The following LRRC7 variants were observed in gnomAD, a reference collection of about 807,000 sequenced individuals.
LRRC7 encodes leucine-rich repeat-containing protein 7.
Under a neutral mutation model 175.7 loss-of-function variants are expected in LRRC7, and 23 were observed. The observed-to-expected ratio is 0.13, with a 90% confidence interval of 0.09 to 0.19. The LOEUF (loss-of-function observed/expected upper bound fraction) is 0.19. Ranked by LOEUF, LRRC7 falls within the 10% of genes least tolerant of loss-of-function variation. LRRC7 has a pLI of 1.00. For synonymous variants in LRRC7, 685 were observed against 680.9 expected (o/e 1.01, Z -0.09); for missense variants, 1,354 against 1,904.7 (o/e 0.71, Z 5.38).
chr1:69,894,468 A>G (rs1645923116), intron 7 of LRRC7, among the ~76,000 whole-genome samples: 1 of 152,228 alleles, frequency 6.6e-6, no homozygotes, highest in Admixed American at 6.5e-5. Flanking sequence ...CACATTTGTT[A>G]GTAAAATATC....
intron 7 of LRRC7, among the ~76,000 whole-genome samples, chr1:69,928,858 G>T (rs1570697269): frequency 6.6e-6 from 1 of 152,326 alleles, no homozygotes; most frequent in East Asian, 1.9e-4. Context: ...GGATGACCTT[G>T]GTACCTCAGA....
intron 1 of LRRC7, among the ~76,000 whole-genome samples, chr1:69,624,918 C>T (rs1053249710): frequency 6.6e-6 from 1 of 151,970 alleles, no homozygotes; most frequent in African/African-American, 2.4e-5. Flanking sequence ...TTAATTTATA[C>T]CATTTGTGAG....
chr1:69,571,574 A>G (rs1371278851), intron 1 of LRRC7, among the ~76,000 whole-genome samples: 2 of 152,174 alleles, frequency 1.3e-5, no homozygotes, highest in East Asian at 3.8e-4. Context: ...CATATAGTAC[A>G]TGATTAAATA....
intron 1 of LRRC7, among the ~76,000 whole-genome samples, chr1:69,578,540 C>G (rs536150527): frequency 1.5e-4 from 22 of 148,998 alleles, no homozygotes; most frequent in South Asian, 1.3e-3. Context: ...TTGGAACCAA[C>G]CCAAATGTCC....
At chr1:69,623,435 G>GAAA (rs138471943) in intron 1 of LRRC7, among the ~76,000 whole-genome samples, 1 of 143,192 alleles carries the variant, frequency 7.0e-6, no homozygotes. Context: ...CTGCTATGAG[G>GAAA]AAAAAAAAAA....
chr1:69,593,548 A>C (rs1029588775), intron 1 of LRRC7, among the ~76,000 whole-genome samples: 1 of 152,086 alleles, frequency 6.6e-6, no homozygotes, highest in African/African-American at 2.4e-5. Context: ...TTCTCATATG[A>C]TTCTCATTTT....
chr1:69,968,881 C>G (rs1651933094), intron 8 of LRRC7, among the ~76,000 whole-genome samples: 1 of 151,652 alleles, frequency 6.6e-6, no homozygotes, highest in African/African-American at 2.4e-5. Flanking sequence ...TGCAGTGGCG[C>G]AATCTCAGCT....
intron 2 of LRRC7, among the ~76,000 whole-genome samples, chr1:69,755,487 A>G (rs1670316150): frequency 6.6e-6 from 1 of 150,638 alleles, no homozygotes; most frequent in Non-Finnish European, 1.5e-5. Flanking sequence ...TTTTTAGAAT[A>G]CAAGAAAGAT....
At chr1:69,944,785 A>G (rs1029298707) in intron 8 of LRRC7, among the ~76,000 whole-genome samples, 4 of 151,500 alleles carry the variant, frequency 2.6e-5, no homozygotes, top group African/African-American at 9.7e-5. Context: ...ATTTTTTCTT[A>G]TACCTGTGGG....
At chr1:69,823,907 A>G (rs987131071) in intron 4 of LRRC7, among the ~76,000 whole-genome samples, 2 of 152,184 alleles carry the variant, frequency 1.3e-5, no homozygotes, top group East Asian at 3.9e-4. Flanking sequence ...AGACTTGCCT[A>G]GGGCTACCAG....
Position 70,133,644 on chromosome 1 carries a change from T to C in LRRC7, c.*11757T>C, listed in dbSNP as rs1666763511. Among the ~76,000 whole-genome samples, 1 of 152,210 alleles carries C rather than the reference T, an allele frequency of 6.6e-6. No individual in the cohort carries two copies. Among genetic ancestry groups the C allele is most frequent in the Non-Finnish European group, 1.5e-5 (1 of 68,034 alleles). Reference sequence around the variant, plus strand: ...AGCTTTGAGCTTATTTTAGGCAGTTTATATGTTTTTTTACTAAACCTCTCA... The same window carrying C: ...AGCTTTGAGCTTATTTTAGGCAGTTCATATGTTTTTTTACTAAACCTCTCA... On this transcript the variant is annotated 3_prime_UTR_variant, in exon 27 of 27. Coordinates refer to ENST00000651989, the MANE Select transcript of LRRC7 (RefSeq NM_001370785.2).
chr1:70,062,288 A>G (rs964363852), intron 23 of LRRC7, among the ~76,000 whole-genome samples: 11 of 152,180 alleles, frequency 7.2e-5, no homozygotes, highest in African/African-American at 2.7e-4. Context: ...TGTATTGTGC[A>G]GAACAATCCA....
intron 3 of LRRC7, among the ~76,000 whole-genome samples, chr1:69,791,226 A>C (rs1462630005): frequency 6.6e-6 from 1 of 152,002 alleles, no homozygotes; most frequent in Non-Finnish European, 1.5e-5. Context: ...AAACCATCTA[A>C]TTTATTGTTT....
intron 5 of LRRC7, 75 bp downstream of exon 5, chr1:69,825,901 C>T (rs2101247785): frequency 2.3e-6 from 2 of 856,184 alleles, no homozygotes; most frequent in Admixed American, 2.7e-5. Context: ...AGAGGAAATG[C>T]ACATCATAAT....
rs116715191 is a variant in LRRC7, at chr1:69,946,382, G to A, written c.711+14812G>A. On this transcript the variant is annotated intron_variant, in intron 8 of 26. Transcript: ENST00000651989. The stretch of plus-strand genomic sequence containing the variant: ...AATGTTTATTAAGCTGTCGTTGGGT[G>A]GAATATTCTGTACATGTCTGTTAAG... Among the ~76,000 whole-genome samples the A allele has an allele frequency of 3.9e-3, 600 of 152,208 alleles. 3 individuals carry two copies. The highest frequency in any genetic ancestry group is 0.013 in the African/African-American group (553 of 41,532).
intron 2 of LRRC7, among the ~76,000 whole-genome samples, chr1:69,713,150 A>T (rs1328078974): frequency 6.6e-6 from 1 of 152,148 alleles, no homozygotes; most frequent in East Asian, 1.9e-4. Flanking sequence ...AATAATAATA[A>T]CAAATACCCT....
intron 15 of LRRC7, 80 bp downstream of exon 15, chr1:70,018,898 A>G (rs950881358): frequency 1.6e-5 from 17 of 1,034,360 alleles, no homozygotes; most frequent in Non-Finnish European, 2.2e-5. Context: ...ATCTCTGGCC[A>G]GGAGTACTGG....
At chr1:69,645,845 A>G (rs1654932809) in intron 1 of LRRC7, among the ~76,000 whole-genome samples, 1 of 152,144 alleles carries the variant, frequency 6.6e-6, no homozygotes, top group African/African-American at 2.4e-5. Context: ...TTTGGTTTGG[A>G]ACTATGATAA....
chr1:69,972,869 G>A (rs905287844), intron 8 of LRRC7, among the ~76,000 whole-genome samples: 7 of 149,722 alleles, frequency 4.7e-5, no homozygotes, highest in Non-Finnish European at 7.4e-5. Context: ...GAACCAACCC[G>A]AGTGCCCATC....
Sources: allele counts gnomAD v4.1 joint callset (sites outside exome capture counted in the v4.1 genomes callset), GRCh38; gene constraint gnomAD v4.1.1; transcripts MANE v1.5; gene names NCBI Gene and HGNC (gene_info 2026-07-23, HGNC 2026-07-21).